CCDC73: variants seen among roughly 807,000 people sequenced by gnomAD.
The protein encoded by CCDC73 is coiled-coil domain containing 73.
In CCDC73, 95 loss-of-function variants were observed where a neutral mutation model predicts 116.5. The observed-to-expected ratio is 0.82, with a 90% CI of 0.69 to 0.97. The LOEUF is 0.97. Among genes scored for constraint, CCDC73 ranks in the 50% least tolerant of loss-of-function variants. CCDC73 has a pLI of 0.00. For missense variants in CCDC73, 1,066 were observed against 1,206.8 expected (o/e 0.88, Z 1.73); for synonymous variants, 398 against 401.3 (o/e 0.99, Z 0.10).
intron 2 of CCDC73, among the ~76,000 whole-genome samples, chr11:32,730,264 T>C (rs1850064003): frequency 2.0e-5 from 3 of 152,222 alleles, no homozygotes; most frequent in Admixed American, 2.0e-4. Flanking sequence ...TCTCCTATCC[T>C]CCAATACCTA....
chr11:32,620,678 C>G (rs559609052), intron 14 of CCDC73, among the ~76,000 whole-genome samples: 2 of 147,306 alleles, frequency 1.4e-5, no homozygotes, highest in Admixed American at 6.7e-5. Context: ...TCATTAAAAC[C>G]AAGTCATTAA....
intron 12 of CCDC73, among the ~76,000 whole-genome samples, chr11:32,643,587 G>A (rs1855752035): frequency 6.6e-6 from 1 of 152,074 alleles, no homozygotes; most frequent in Non-Finnish European, 1.5e-5. Context: ...TAACACAATA[G>A]TATTTTTATA....
intron 13 of CCDC73, among the ~76,000 whole-genome samples, chr11:32,641,190 A>G (rs1855729883): frequency 6.6e-6 from 1 of 152,202 alleles, no homozygotes; most frequent in Non-Finnish European, 1.5e-5. Flanking sequence ...TTAGCACAAT[A>G]GTCTAAAACA....
intron 1 of CCDC73, among the ~76,000 whole-genome samples, chr11:32,780,011 C>G (rs1381574610): frequency 6.6e-6 from 1 of 152,162 alleles, no homozygotes; most frequent in Non-Finnish European, 1.5e-5. Flanking sequence ...CAGTAACTCA[C>G]GCCTGTAACC....
chr11:32,797,932 A>G (rs1432024497), upstream of CCDC73, among the ~76,000 whole-genome samples: 3 of 152,220 alleles, frequency 2.0e-5, no homozygotes, highest in Non-Finnish European at 4.4e-5. Flanking sequence ...TTGAGCACCA[A>G]CGTGATGCTA....
In CCDC73 at chr11:32,653,159, C is replaced by A. The variant is rs377329707; in HGVS notation, c.903G>T (p.Met301Ile). 1.9e-6 allele frequency: 3 copies of A among 1,611,416 alleles called. No individual in the cohort carries two copies. The South Asian group carries it at 3.3e-5, about 18-fold the overall frequency. ...LRQQIQANTE[M>I]EAELKVLKEN... The stretch of plus-strand genomic sequence containing the variant: ...CTTTTAGCACCTTCAATTCTGCCTC[C>A]ATTTCAGTATTAGCTTGAATTTGTT... Residue 301 changes from methionine (M) to isoleucine (I), a missense_variant, in exon 12 of 18, where the codon ATG (methionine) becomes ATT (isoleucine). Transcript: ENST00000335185.
At chr11:32,670,297 C>T (rs905387647) in intron 9 of CCDC73, among the ~76,000 whole-genome samples, 3 of 152,108 alleles carry the variant, frequency 2.0e-5, no homozygotes, top group East Asian at 1.9e-4. Context: ...CAGAGGCAGG[C>T]GGATTACAAG....
intron 1 of CCDC73, among the ~76,000 whole-genome samples, chr11:32,789,606 TACAAAAAA>T (rs1467782111): frequency 7.1e-6 from 1 of 141,076 alleles, no homozygotes; most frequent in Non-Finnish European, 1.6e-5. Flanking sequence ...CCCACATCTC[TACAAAAAA>T]ACAAAAAAAT....
intron 9 of CCDC73, among the ~76,000 whole-genome samples, chr11:32,675,157 A>G (rs1051630551): frequency 1.3e-5 from 2 of 152,132 alleles, no homozygotes; most frequent in South Asian, 2.1e-4. Flanking sequence ...TTTGTTTTAC[A>G]TCTAACTCCA....
chr11:32,616,618 C>A (rs1326472068), intron 14 of CCDC73, among the ~76,000 whole-genome samples: 2 of 152,182 alleles, frequency 1.3e-5, no homozygotes, highest in Admixed American at 1.3e-4. Context: ...GTAACTGGGA[C>A]TACAGGTGCT....
At chr11:32,720,629 CA>C (rs898053361) in intron 2 of CCDC73, among the ~76,000 whole-genome samples, 1 of 151,562 alleles carries the variant, frequency 6.6e-6, no homozygotes, top group Non-Finnish European at 1.5e-5. Flanking sequence ...AAGGAACCTA[CA>C]AAAAAAACTC....
chr11:32,774,791 C>T (rs1205928070), intron 1 of CCDC73, among the ~76,000 whole-genome samples: 2 of 152,166 alleles, frequency 1.3e-5, no homozygotes, highest in Non-Finnish European at 2.9e-5. Context: ...TGATTAGCTT[C>T]CTAGCATAGG....
chr11:32,677,034 C>T (rs1856095832), intron 7 of CCDC73, among the ~76,000 whole-genome samples: 1 of 152,166 alleles, frequency 6.6e-6, no homozygotes, highest in African/African-American at 2.4e-5. Flanking sequence ...TTTTTATCTT[C>T]ACTTGACATT....
chr11:32,762,539 A>G (rs999335210), intron 1 of CCDC73, among the ~76,000 whole-genome samples: 2 of 152,174 alleles, frequency 1.3e-5, no homozygotes, highest in African/African-American at 4.8e-5. Context: ...GGCTGAACCA[A>G]AAGTAACCCA....
chr11:32,745,583 C>G lies in CCDC73; in HGVS notation c.135+14526G>C, dbSNP rs567090078. On this transcript the variant is annotated intron_variant, in intron 2 of 17. Transcript: ENST00000335185. Reference sequence around the variant, plus strand: ...AACTTGGTTTATGAATCTGGGTGCTCCTGTATTGGGTGCATATATATTTAG... The same window carrying G: ...AACTTGGTTTATGAATCTGGGTGCTGCTGTATTGGGTGCATATATATTTAG... Among the ~76,000 whole-genome samples, 7 of 152,138 alleles carry G rather than the reference C, an allele frequency of 4.6e-5. No individual in the cohort carries two copies. In the East Asian group the frequency reaches 1.4e-3, roughly 29 times the overall value.
chr11:32,817,002 C>T, the CCDC73 span, among the ~76,000 whole-genome samples: 387 of 152,272 alleles, frequency 2.5e-3, no homozygotes, highest in Non-Finnish European at 3.2e-3. Context: ...CCAGGTTGGT[C>T]TCAAACTCCT....
chr11:32,779,263 C>CAAA (rs34184527), intron 1 of CCDC73, among the ~76,000 whole-genome samples: 1,517 of 109,920 alleles, frequency 0.014, 36 homozygotes, highest in African/African-American at 0.04. Flanking sequence ...TCATGTGGGG[C>CAAA]AAAAAAAAAA....
chr11:32,716,490 G>A (rs1590610190), intron 3 of CCDC73, among the ~76,000 whole-genome samples: 2 of 152,200 alleles, frequency 1.3e-5, no homozygotes, highest in South Asian at 4.1e-4. Context: ...AGCCACTCTT[G>A]TATGTTTATT....
intron 1 of CCDC73, 57 bp from the exon 2 acceptor site, chr11:32,760,315 G>C: frequency 3.0e-6 from 3 of 1,001,580 alleles, no homozygotes; most frequent in South Asian, 3.1e-5. Flanking sequence ...TCAAGTAAAA[G>C]CATAGTTACC....
Sources: allele counts gnomAD v4.1 joint callset (sites outside exome capture counted in the v4.1 genomes callset), GRCh38; gene constraint gnomAD v4.1.1; transcripts MANE v1.5; gene names NCBI Gene and HGNC (gene_info 2026-07-23, HGNC 2026-07-21).